The following PAK2 variants were observed in gnomAD, a reference collection of about 807,000 sequenced individuals.
The protein encoded by PAK2 is p21 (RAC1) activated kinase 2.
Under a neutral mutation model 65.9 loss-of-function variants are expected in PAK2, and 21 were observed. That is an observed-to-expected ratio of 0.32 (90% CI 0.23 to 0.46). The LOEUF is 0.46. Ranked by LOEUF, PAK2 falls within the 20% of genes least tolerant of loss-of-function variation. The probability of loss-of-function intolerance (pLI) is 1.00; values close to 1 mark genes in which losing one functional copy is unlikely to be tolerated. For synonymous variants in PAK2, 204 were observed against 219.7 expected (o/e 0.93, Z 0.63); for missense variants, 324 against 642.6 (o/e 0.50, Z 5.36).
At position 196,828,363 on chromosome 3, in the gene PAK2, A is replaced by G. The variant is rs1422902052; in HGVS notation, c.1533A>G (p.Pro511=). ...KLAKPLSSLT[P]LIMAAKEAMK... ...CCAAACCGTTATCTAGCTTGACACCACTGATCATGGCAGCTAAAGAAGCAA... is the reference window on the plus strand; with the variant it reads ...CCAAACCGTTATCTAGCTTGACACCGCTGATCATGGCAGCTAAAGAAGCAA... The change falls in exon 15 of 15, where the codon CCA becomes CCG. Residue 511 remains proline (P), a synonymous_variant. Coordinates refer to ENST00000327134, the MANE Select transcript of PAK2 (RefSeq NM_002577.4). 6.2e-7 allele frequency: 1 copy of G among 1,611,408 alleles called. No homozygotes were observed. Among genetic ancestry groups the G allele is most frequent in the East Asian group, 2.2e-5 (1 of 44,848 alleles).
chr3:196,807,030 C>G (rs577077216), intron 6 of PAK2, among the ~76,000 whole-genome samples: 4 of 152,252 alleles, frequency 2.6e-5, no homozygotes, highest in Non-Finnish European at 5.9e-5. Context: ...TTTCCTCTTA[C>G]CCAGATTATG....
intron 1 of PAK2, among the ~76,000 whole-genome samples, chr3:196,781,593 T>A (rs1714715078): frequency 6.6e-6 from 1 of 152,244 alleles, no homozygotes; most frequent in African/African-American, 2.4e-5. Context: ...TGTGATTATC[T>A]GCAAAACTCA....
At chr3:196,776,290 C>A (rs1235948386) in intron 1 of PAK2, among the ~76,000 whole-genome samples, 1 of 152,098 alleles carries the variant, frequency 6.6e-6, no homozygotes, top group Non-Finnish European at 1.5e-5. Flanking sequence ...AGTTATTGAT[C>A]AAGTATTCTA....
rs35761344 is a variant in PAK2 at position 196,787,558 on chromosome 3, G to A, written c.187+4725G>A. Among the ~76,000 whole-genome samples, 33 of 147,380 alleles carry A rather than the reference G, an allele frequency of 2.2e-4. No homozygotes were observed. The East Asian group carries it at 5.7e-3, about 26-fold the overall frequency. On this transcript the variant is annotated intron_variant, in intron 2 of 14. Transcript: ENST00000327134. ...TGCGCCACTGCACTCCAGCCTGGGCGACAGAGCGAGACTCCGTCTCAGAAA... is the reference window on the plus strand; with the variant it reads ...TGCGCCACTGCACTCCAGCCTGGGCAACAGAGCGAGACTCCGTCTCAGAAA...
chr3:196,794,772 G>A (rs62409452), intron 2 of PAK2, among the ~76,000 whole-genome samples: 1,696 of 152,194 alleles, frequency 0.011, 12 homozygotes, highest in South Asian at 0.026. Flanking sequence ...TATTCCACAG[G>A]ACCCTTGGCA....
At chr3:196,812,082 C>T in intron 8 of PAK2, 137 bp from the exon 9 acceptor site, 12 of 521,604 alleles carry the variant, frequency 2.3e-5, no homozygotes, top group South Asian at 7.7e-5. Flanking sequence ...CAGGTTTTTG[C>T]TTTTACTCCT....
chr3:196,804,828 CATAT>C (rs113952444), intron 4 of PAK2, among the ~76,000 whole-genome samples: 39,503 of 147,390 alleles, frequency 0.27, 5,443 homozygotes, highest in Middle Eastern at 0.38. Context: ...TATATATACA[CATAT>C]ATATATATAT....
At chr3:196,761,200 A>G (rs1478421157) in intron 1 of PAK2, among the ~76,000 whole-genome samples, 1 of 111,682 alleles carries the variant, frequency 9.0e-6, no homozygotes, top group Non-Finnish European at 1.8e-5. Context: ...GGTGTTTCTC[A>G]CAGAGGGGGA....
chr3:196,832,271 GGT>G lies in PAK2; in HGVS notation c.*3867_*3868del, dbSNP rs1194269049. 3 of 152,096 alleles carry G rather than the reference GGT, an allele frequency of 2.0e-5. No individual in the cohort carries two copies. Among genetic ancestry groups the G allele is most frequent in the African/African-American group, 7.2e-5 (3 of 41,438 alleles). 9.4% of individuals were successfully genotyped at this position (152,096 alleles called of 1,614,324 possible). A position where few individuals can be genotyped will look rare whatever the true frequency, so the allele number is the denominator to read the frequency against. On this transcript the variant is annotated 3_prime_UTR_variant, in exon 15 of 15. Coordinates refer to ENST00000327134, the MANE Select transcript of PAK2 (RefSeq NM_002577.4). Reference sequence around the variant, plus strand: ...GTTACGTGTGGAATTCAACATCTTTGGTTGGAACGCATTGGCTTTTTTTTTCT... The same window carrying G: ...GTTACGTGTGGAATTCAACATCTTTGTGGAACGCATTGGCTTTTTTTTTCT...
At position 196,800,238 on chromosome 3, in the gene PAK2, C is replaced by A. The variant is rs144698101; in HGVS notation, c.188-1689C>A. ...TCTACCAGAAATTATAAAAATCAGC[C>A]TGGTATGATGGTGCATGCCTGTAAT... On this transcript the variant is annotated intron_variant, in intron 2 of 14. Coordinates refer to ENST00000327134, the MANE Select transcript of PAK2 (RefSeq NM_002577.4). 7.1e-3 allele frequency among the ~76,000 whole-genome samples: 1,075 copies of A among 152,156 alleles called. 9 individuals are homozygous for A. Among genetic ancestry groups the A allele is most frequent in the South Asian group, 0.032 (153 of 4,818 alleles).
At chr3:196,761,946 A>G (rs1713988046) in intron 1 of PAK2, among the ~76,000 whole-genome samples, 1 of 120,780 alleles carries the variant, frequency 8.3e-6, no homozygotes, top group Non-Finnish European at 1.8e-5. Flanking sequence ...CAGACGGGGC[A>G]GCTGCCGGGC....
intron 1 of PAK2, among the ~76,000 whole-genome samples, chr3:196,774,564 A>T (rs1714475485): frequency 6.6e-6 from 1 of 152,226 alleles, no homozygotes; most frequent in South Asian, 2.1e-4. Context: ...ATAGATACAT[A>T]AAAATTATTT....
At chr3:196,760,313 C>CG (rs1713918113) in intron 1 of PAK2, among the ~76,000 whole-genome samples, 1 of 151,956 alleles carries the variant, frequency 6.6e-6, no homozygotes, top group Non-Finnish European at 1.5e-5. Flanking sequence ...CACACTGGCG[C>CG]GATCTCAGCT....
intron 2 of PAK2, among the ~76,000 whole-genome samples, chr3:196,796,867 G>A (rs1348078579): frequency 6.6e-6 from 1 of 152,122 alleles, no homozygotes; most frequent in African/African-American, 2.4e-5. Context: ...GTGATAATAG[G>A]ACCAGTTCAT....
rs1324114217 is a variant in PAK2, at chr3:196,764,633, AAAT to A, written c.-21-17990_-21-17988del. Among the ~76,000 whole-genome samples the A allele has an allele frequency of 6.7e-4, 56 of 84,102 alleles. 1 individual carries two copies. The highest frequency in any genetic ancestry group is 2.2e-3 in the African/African-American group (53 of 24,560). The allele number at this position is 84,102 out of a possible 152,430, so 55.2% of individuals were successfully genotyped here. ...GACTCTGTCTCAAAAAAAAATAAAT[AAAT>A]AAATACAGATAGAAGTCAACTTTAA... is the stretch of plus-strand genomic sequence containing the variant. On this transcript the variant is annotated intron_variant, in intron 1 of 14. Transcript: ENST00000327134.
At position 196,812,395 on chromosome 3, in the gene PAK2, T is replaced by C. The variant is rs1715858388; in HGVS notation, c.822+128T>C. 12 of 685,290 alleles carry C rather than the reference T, an allele frequency of 1.8e-5. No individual in the cohort carries two copies. The South Asian group carries it at 1.9e-4, about 11-fold the overall frequency. 42.5% of individuals were successfully genotyped at this position (685,290 alleles called of 1,614,324 possible). A position where few individuals can be genotyped will look rare whatever the true frequency, so the allele number is the denominator to read the frequency against. ...CCCGTTGTAAGAATCGCTCTACGTA[T>C]GTTTATAGCACTTCTGTCAGTAAGG... is the stretch of plus-strand genomic sequence containing the variant. On this transcript the variant is annotated intron_variant, in intron 9 of 14. Transcript: ENST00000327134.
chr3:196,766,387 C>CA (rs1297761340), intron 1 of PAK2, among the ~76,000 whole-genome samples: 2 of 151,994 alleles, frequency 1.3e-5, no homozygotes, highest in Non-Finnish European at 2.9e-5. Flanking sequence ...ACATATAATA[C>CA]AAAAAGTTAC....
chr3:196,778,146 C>T (rs533773508), intron 1 of PAK2, among the ~76,000 whole-genome samples: 35 of 152,276 alleles, frequency 2.3e-4, no homozygotes, highest in African/African-American at 8.2e-4. Context: ...TCATATGAAA[C>T]GGAATCCTAC....
chr3:196,804,905 AAAAC>A (rs1330957829), intron 4 of PAK2, among the ~76,000 whole-genome samples: 25 of 152,114 alleles, frequency 1.6e-4, no homozygotes, highest in Admixed American at 7.2e-4. Flanking sequence ...TTTTAAAAGA[AAAAC>A]AAAACAATGT....
Sources: allele counts gnomAD v4.1 joint callset (sites outside exome capture counted in the v4.1 genomes callset), GRCh38; gene constraint gnomAD v4.1.1; transcripts MANE v1.5; gene names NCBI Gene and HGNC (gene_info 2026-07-23, HGNC 2026-07-21).